The following SH3TC2 variants were observed in gnomAD, a reference collection of about 807,000 sequenced individuals.
SH3TC2 encodes SH3 domain and tetratricopeptide repeat-containing protein 2.
A neutral mutation model predicts 124.5 loss-of-function variants in SH3TC2; 87 were observed. That is an observed-to-expected ratio of 0.70 (90% CI 0.59 to 0.84). The LOEUF (loss-of-function observed/expected upper bound fraction) is 0.84, where lower values mean the gene tolerates loss of function less well. SH3TC2 is among the 40% of genes least tolerant of loss of function. SH3TC2 has a pLI of 0.00. For synonymous variants in SH3TC2, 634 were observed against 628.5 expected (o/e 1.01, Z -0.13); for missense variants, 1,536 against 1,566.4 (o/e 0.98, Z 0.33).
At chr5:149,049,051 T>C (rs1446447162) in intron 2 of SH3TC2, among the ~76,000 whole-genome samples, 3 of 152,212 alleles carry the variant, frequency 2.0e-5, no homozygotes, top group Non-Finnish European at 1.5e-5. Context: ...CATGCTGGCC[T>C]GAGTCCACAA....
chr5:149,062,574 C>T (rs1054285989), intron 1 of SH3TC2, among the ~76,000 whole-genome samples: 4 of 152,202 alleles, frequency 2.6e-5, no homozygotes, highest in Non-Finnish European at 2.9e-5. Context: ...CAAAAATAGG[C>T]TTGAATGACT....
intron 6 of SH3TC2, 136 bp downstream of exon 6, chr5:149,041,280 G>T: frequency 1.1e-6 from 1 of 875,272 alleles, no homozygotes; most frequent in Non-Finnish European, 1.8e-6. Context: ...GAAAAAGACA[G>T]AAAGATAAAG....
chr5:149,044,660 T>A, intron 3 of SH3TC2, 22 bp from the exon 4 acceptor site: 3 of 1,588,270 alleles, frequency 1.9e-6, no homozygotes, highest in Non-Finnish European at 2.6e-6. Flanking sequence ...AAACAATGAG[T>A]CAGCCTGGGA....
intron 2 of SH3TC2, among the ~76,000 whole-genome samples, chr5:149,050,609 A>G (rs1754539539): frequency 6.6e-6 from 1 of 152,232 alleles, no homozygotes; most frequent in Non-Finnish European, 1.5e-5. Flanking sequence ...CCAAGCTGAC[A>G]GACAGATAAG....
At chr5:149,030,352 C>T (rs746440097) in intron 9 of SH3TC2, among the ~76,000 whole-genome samples, 14 of 152,334 alleles carry the variant, frequency 9.2e-5, no homozygotes, top group Middle Eastern at 3.4e-3. Flanking sequence ...GCGGACTGCA[C>T]GCCGCAGAGC....
Position 149,001,813 on chromosome 5 carries a change from A to T in SH3TC2, c.*2898T>A, listed in dbSNP as rs1753602839. 1 of 150,796 alleles carries T rather than the reference A, an allele frequency of 6.6e-6. No individual in the cohort carries two copies. Among genetic ancestry groups the T allele is most frequent in the Non-Finnish European group, 1.5e-5 (1 of 67,954 alleles). 9.3% of individuals were successfully genotyped at this position (150,796 alleles called of 1,614,324 possible). ...TGCACAGAATTGGGAAATTTTAGCT[A>T]AAATTTCCAAGGAGATGTAACATGG... is the stretch of plus-strand genomic sequence containing the variant. On this transcript the variant is annotated 3_prime_UTR_variant, in exon 17 of 17. Coordinates refer to ENST00000515425, the MANE Select transcript of SH3TC2 (RefSeq NM_024577.4).
chr5:149,009,549 A>G (rs1015914696), intron 14 of SH3TC2, among the ~76,000 whole-genome samples: 4 of 152,202 alleles, frequency 2.6e-5, no homozygotes, highest in African/African-American at 9.7e-5. Context: ...TGCCTGGCAC[A>G]GACTGGGTAT....
chr5:149,020,125 C>T (rs1561761636), intron 12 of SH3TC2, among the ~76,000 whole-genome samples: 1 of 151,796 alleles, frequency 6.6e-6, no homozygotes, highest in Non-Finnish European at 1.5e-5. Flanking sequence ...CACACACACA[C>T]ACACACACAC....
intron 16 of SH3TC2, 124 bp from the exon 17 acceptor site, chr5:149,005,026 C>T: frequency 1.8e-6 from 2 of 1,136,056 alleles, no homozygotes; most frequent in Non-Finnish European, 2.6e-6. Context: ...GTTTGCCCAA[C>T]ATCCAATCCC....
chr5:149,017,836 T>C (rs1160979148), intron 12 of SH3TC2, among the ~76,000 whole-genome samples: 1 of 152,220 alleles, frequency 6.6e-6, no homozygotes, highest in Non-Finnish European at 1.5e-5. Context: ...AGACTATGCA[T>C]TTTAGATCAG....
chr5:149,006,670 G>A (rs1043185900), intron 16 of SH3TC2, among the ~76,000 whole-genome samples: 1 of 152,166 alleles, frequency 6.6e-6, no homozygotes, highest in African/African-American at 2.4e-5. Context: ...CCTCAGCGAA[G>A]ATGGGAGCAC....
intron 12 of SH3TC2, among the ~76,000 whole-genome samples, chr5:149,019,295 A>T (rs954070685): frequency 5.3e-5 from 8 of 151,844 alleles, no homozygotes; most frequent in African/African-American, 1.9e-4. Flanking sequence ...TTGTTCTTGT[A>T]TTTTTTTTAA....
In SH3TC2 at chr5:149,003,043, G is replaced by GTGATGC. The variant is rs1279950017; in HGVS notation, c.*1662_*1667dup. 4 of 152,656 alleles carry GTGATGC rather than the reference G, an allele frequency of 2.6e-5. No individual in the cohort carries two copies. The highest frequency in any genetic ancestry group is 5.9e-5 in the Non-Finnish European group (4 of 68,046). The allele number at this position is 152,656 out of a possible 1,614,324, so 9.5% of individuals were successfully genotyped here. A position where few individuals can be genotyped will look rare whatever the true frequency, so the allele number is the denominator to read the frequency against. Reference sequence around the variant, plus strand: ...ATTTTCATTTCAAACAATCTCACAGGTGATGCTGATGCTGCTGGTTAGTGG... The same window carrying GTGATGC: ...ATTTTCATTTCAAACAATCTCACAGGTGATGCTGATGCTGATGCTGCTGGTTAGTGG... On this transcript the variant is annotated 3_prime_UTR_variant, in exon 17 of 17. Coordinates refer to ENST00000515425, the MANE Select transcript of SH3TC2 (RefSeq NM_024577.4).
Position 149,010,389 on chromosome 5 carries a change from C to T in SH3TC2, c.3208G>A (p.Ala1070Thr). ...TCTGACTTCAGGGCTGTCTGGATGG[C>T]TGCCTAGGTGGGACAGAGACAGCTG... The part of the protein sequence containing the change: ...DELVELCLQA[A>T]IQTALKSEEP... The change falls in exon 14 of 17, where the codon GCC becomes ACC. Residue 1070 changes from alanine to threonine, a missense_variant. Physicochemically the swap from Ala to Thr is moderately conservative, Grantham distance 58. Around this residue, in one of 3 missense-constraint regions of SH3TC2, gnomAD observed 426 missense variants for 443.5 expected, o/e 0.96. Transcript: ENST00000515425. The T allele has an allele frequency of 6.2e-7, 1 of 1,613,896 alleles. No homozygotes were observed. Among genetic ancestry groups the T allele is most frequent in the Non-Finnish European group, 8.5e-7 (1 of 1,180,016 alleles).
intron 1 of SH3TC2, among the ~76,000 whole-genome samples, chr5:149,055,810 G>A (rs953933446): frequency 1.3e-5 from 2 of 152,152 alleles, no homozygotes; most frequent in Non-Finnish European, 2.9e-5. Flanking sequence ...AACCGGGCAT[G>A]GTGGCACATG....
At chr5:149,016,519 C>T (rs1272258815) in intron 12 of SH3TC2, among the ~76,000 whole-genome samples, 1 of 152,074 alleles carries the variant, frequency 6.6e-6, no homozygotes, top group African/African-American at 2.4e-5. Flanking sequence ...TCCTTATTTA[C>T]AACAAAAATG....
At position 149,038,406 on chromosome 5, in the gene SH3TC2, A is replaced by G. The variant is rs377503558; in HGVS notation, c.890T>C (p.Ile297Thr). 3.5e-5 allele frequency: 56 copies of G among 1,614,048 alleles called. No homozygotes were observed. The highest frequency in any genetic ancestry group is 2.5e-6 in the Non-Finnish European group (3 of 1,180,032). Reference sequence around the variant, plus strand: ...AAGCCCAGGTATGACAAAGCCGATGATCTCAATGCTTTCTCCCTGGTAGAA... The same window carrying G: ...AAGCCCAGGTATGACAAAGCCGATGGTCTCAATGCTTTCTCCCTGGTAGAA... The part of the protein sequence containing the change: ...LNFYQGESIE[I>T]IGFVIPGLQW... Residue 297 changes from isoleucine (I) to threonine (T), a missense_variant, in exon 8 of 17, where the codon ATC (isoleucine) becomes ACC (threonine). Around this residue, in one of 3 missense-constraint regions of SH3TC2, gnomAD observed 1,102 missense variants for 1,098.6 expected, o/e 1.00. Coordinates refer to ENST00000515425, the MANE Select transcript of SH3TC2 (RefSeq NM_024577.4).
chr5:149,030,259 G>A (rs1335090405), intron 9 of SH3TC2, among the ~76,000 whole-genome samples: 3 of 152,188 alleles, frequency 2.0e-5, no homozygotes, highest in Non-Finnish European at 4.4e-5. Context: ...TATGGTATAC[G>A]CCTTGGGGAA....
rs1753637096 is a variant in SH3TC2 at position 149,003,867 on chromosome 5, A to G, written c.*844T>C. ...ACTGTCTCAAAAAAAAAAAAAAAAA[A>G]AAAAGACATGTATTGGTATTCTCTC... On this transcript the variant is annotated 3_prime_UTR_variant, in exon 17 of 17. Coordinates refer to ENST00000515425, the MANE Select transcript of SH3TC2 (RefSeq NM_024577.4). 2 of 390,670 alleles carry G rather than the reference A, an allele frequency of 5.1e-6. No homozygotes were observed. The highest frequency in any genetic ancestry group is 1.0e-5 in the Non-Finnish European group (2 of 199,592). The allele number at this position is 390,670 out of a possible 1,614,324, so 24.2% of individuals were successfully genotyped here.
Sources: allele counts gnomAD v4.1 joint callset (sites outside exome capture counted in the v4.1 genomes callset), GRCh38; gene constraint gnomAD v4.1.1; regional missense constraint gnomAD v4.1.1; transcripts MANE v1.5; gene names NCBI Gene and HGNC (gene_info 2026-07-23, HGNC 2026-07-21).